Variants in DMD observed in about 807,000 individuals in gnomAD.
The protein encoded by DMD is dystrophin, also known as mutant dystrophin.
In DMD, 63 loss-of-function variants were observed where a neutral mutation model predicts 330.1. That is an observed-to-expected ratio of 0.19 (90% CI 0.16 to 0.24). DMD has a LOEUF of 0.24. Ranked by LOEUF, DMD falls within the 10% of genes least tolerant of loss-of-function variation. The pLI is 1.00. For missense variants in DMD, 3,344 were observed against 2,684.1 expected, an observed-to-expected ratio of 1.25 and a Z score of -5.43; for synonymous variants, 1,223 against 959.8, an observed-to-expected ratio of 1.27 and a Z score of -5.07.
intron 6 of DMD, among the ~76,000 whole-genome samples, chrX:32,811,281 G>T (rs1460377151): frequency 9.1e-6 from 1 of 110,193 alleles, no homozygotes; most frequent in Non-Finnish European, 1.9e-5. Flanking sequence ...GGTGGCTATA[G>T]TGAGCCATGA....
chrX:32,407,306 G>T (rs1352579860), intron 30 of DMD, among the ~76,000 whole-genome samples: 9 of 111,656 alleles, frequency 8.1e-5, no homozygotes, highest in Non-Finnish European at 1.1e-4. Context: ...CCATCAACAA[G>T]TGGGTGAAGG....
intron 1 of DMD, among the ~76,000 whole-genome samples, chrX:33,082,603 G>A (rs1295946048): frequency 8.0e-5 from 9 of 112,476 alleles, no homozygotes; most frequent in African/African-American, 2.6e-4. Context: ...TTTCCCAGAA[G>A]GAGCCTAGAG....
chrX:32,640,305 T>C (rs969042538), intron 11 of DMD, among the ~76,000 whole-genome samples: 4 of 107,537 alleles, frequency 3.7e-5, no homozygotes, highest in Non-Finnish European at 7.6e-5. Context: ...TATGTCAGCC[T>C]CATGACACTA....
Position 31,951,122 on chromosome X carries a change from C to CATAT in DMD, c.6614+17213_6614+17216dup, listed in dbSNP as rs767693982. On this transcript the variant is annotated intron_variant, in intron 45 of 78. Coordinates refer to ENST00000357033, the MANE Select transcript of DMD (RefSeq NM_004006.3). Reference sequence around the variant, plus strand: ...TTTAAACACACATACTATATATATACATATATATATATATATATGTGTATA... The same window carrying CATAT: ...TTTAAACACACATACTATATATATACATATATATATATATATATATATGTGTATA... Among the ~76,000 whole-genome samples, 262 of 65,339 alleles carry CATAT rather than the reference C, an allele frequency of 4.0e-3. 3 individuals are homozygous for CATAT. Among genetic ancestry groups the CATAT allele is most frequent in the African/African-American group, 0.013 (185 of 14,461 alleles). The allele number at this position is 65,339 out of a possible 115,157, so 56.7% of individuals were successfully genotyped here.
intron 74 of DMD, among the ~76,000 whole-genome samples, chrX:31,155,444 T>C (rs12008052): frequency 0.018 from 2,062 of 112,318 alleles, 44 homozygotes; most frequent in African/African-American, 0.062. Context: ...TTTTGTAAAG[T>C]AGAACAACTA....
intron 55 of DMD, among the ~76,000 whole-genome samples, chrX:31,525,199 T>C (rs1180916835): frequency 9.0e-6 from 1 of 111,548 alleles, no homozygotes; most frequent in East Asian, 2.8e-4. Context: ...TTTCAAAAGA[T>C]CAGTTTTGAG....
intron 17 of DMD, among the ~76,000 whole-genome samples, chrX:32,519,909 T>A (rs923673005): frequency 8.0e-5 from 9 of 112,079 alleles, no homozygotes; most frequent in African/African-American, 2.9e-4. Context: ...TTTGGTTAGG[T>A]ATCACCAATT....
chrX:32,266,593 T>C (rs897253581), intron 43 of DMD, among the ~76,000 whole-genome samples: 1 of 112,139 alleles, frequency 8.9e-6, no homozygotes, highest in South Asian at 3.7e-4. Context: ...AGAAATGTTA[T>C]GAAAATCATT....
intron 56 of DMD, among the ~76,000 whole-genome samples, chrX:31,497,174 CT>C (rs1189025612): frequency 8.9e-6 from 1 of 112,153 alleles, no homozygotes; most frequent in Non-Finnish European, 1.9e-5. Flanking sequence ...AATGCTGAGA[CT>C]TTTGGCATGA....
rs2041041378 is a variant in DMD at position 31,180,486 on chromosome X, T to G, written c.9975-5A>C. On this transcript the variant is annotated splice_polypyrimidine_tract_variant and splice_region_variant and intron_variant, in intron 68 of 78. Transcript: ENST00000357033. ...AAGTGCTTTAGACTCCTGTACCTGA[T>G]AAAGAGCAAAAACAAACACGTATGT... 1 of 1,129,822 alleles carries G rather than the reference T, an allele frequency of 8.9e-7. No individual in the cohort carries two copies. The highest frequency in any genetic ancestry group is 1.2e-6 in the Non-Finnish European group (1 of 822,183). 93.1% of individuals were successfully genotyped at this position (1,129,822 alleles called of 1,213,427 possible). A position where few individuals can be genotyped will look rare whatever the true frequency, so the allele number is the denominator to read the frequency against.
At chrX:31,425,133 T>C (rs2063628135) in intron 60 of DMD, among the ~76,000 whole-genome samples, 1 of 112,324 alleles carries the variant, frequency 8.9e-6, no homozygotes, top group Non-Finnish European at 1.9e-5. Flanking sequence ...AATTTCAGTA[T>C]TGATTTGCTG....
At chrX:32,611,215 T>C (rs192120274) in intron 12 of DMD, among the ~76,000 whole-genome samples, 6,895 of 105,125 alleles carry the variant, frequency 0.066, 195 homozygotes, top group African/African-American at 0.088. Context: ...AAAAAAAAAA[T>C]CTGTCAAATA....
chrX:32,536,376 T>A (rs1273413645), intron 17 of DMD, among the ~76,000 whole-genome samples: 1 of 104,789 alleles, frequency 9.5e-6, no homozygotes, highest in Non-Finnish European at 1.9e-5. Flanking sequence ...AACATGGGAA[T>A]GGGAAAAAGA....
chrX:31,456,722 T>C (rs1002854695), intron 59 of DMD, among the ~76,000 whole-genome samples: 2 of 110,451 alleles, frequency 1.8e-5, no homozygotes, highest in African/African-American at 6.6e-5. Context: ...CTTTACAATG[T>C]AGAATGAAGA....
At chrX:31,596,374 A>T (rs2077115347) in intron 55 of DMD, among the ~76,000 whole-genome samples, 1 of 112,118 alleles carries the variant, frequency 8.9e-6, no homozygotes, top group Non-Finnish European at 1.9e-5. Context: ...AGGAAAGTTC[A>T]TGTTATTGGA....
chrX:31,203,861 A>T, intron 67 of DMD, 100 bp downstream of exon 67: 1 of 715,503 alleles, frequency 1.4e-6, no homozygotes, highest in Non-Finnish European at 2.2e-6. Flanking sequence ...CCTACTGCCT[A>T]CTGAAGAGCT....
intron 1 of DMD, among the ~76,000 whole-genome samples, chrX:33,236,439 A>G (rs1448768275): frequency 9.2e-6 from 1 of 108,310 alleles, no homozygotes; most frequent in African/African-American, 3.4e-5. Flanking sequence ...TAATTGTTGT[A>G]TTTTTAGTAC....
intron 44 of DMD, among the ~76,000 whole-genome samples, chrX:32,210,529 A>G (rs1235085747): frequency 4.5e-5 from 5 of 112,000 alleles, no homozygotes; most frequent in Non-Finnish European, 7.5e-5. Flanking sequence ...TCACAATGTA[A>G]AAACTGACTA....
chrX:31,793,684 T>C (rs1413561576), intron 50 of DMD, among the ~76,000 whole-genome samples: 1 of 111,917 alleles, frequency 8.9e-6, no homozygotes, highest in Non-Finnish European at 1.9e-5. Context: ...GTATTGAACA[T>C]GAAAAGCAGA....
Sources: allele counts gnomAD v4.1 joint callset (sites outside exome capture counted in the v4.1 genomes callset), GRCh38; gene constraint gnomAD v4.1.1; transcripts MANE v1.5; gene names NCBI Gene and HGNC (gene_info 2026-07-23, HGNC 2026-07-21).